The following ACAP2 variants were observed in gnomAD, a reference collection of about 807,000 sequenced individuals.
The protein encoded by ACAP2 is ArfGAP with coiled-coil, ankyrin repeat and PH domains 2, also known as arf-GAP with coiled-coil, ANK repeat and PH domain-containing protein 2.
In ACAP2, 39 loss-of-function variants were observed where a neutral mutation model predicts 115.8. The observed-to-expected ratio is 0.34, with a 90% CI of 0.26 to 0.44. The LOEUF is 0.44. Ranked by LOEUF, ACAP2 falls within the 20% of genes least tolerant of loss-of-function variation. The probability of loss-of-function intolerance (pLI) is 1.00; values close to 1 mark genes in which losing one functional copy is unlikely to be tolerated. For missense variants in ACAP2, 662 were observed against 927.6 expected, an observed-to-expected ratio of 0.71 and a Z score of 3.72; for synonymous variants, 289 against 315.8, an observed-to-expected ratio of 0.92 and a Z score of 0.90.
intron 4 of ACAP2, among the ~76,000 whole-genome samples, chr3:195,355,116 G>A (rs1034773987): frequency 6.6e-6 from 1 of 152,058 alleles, no homozygotes; most frequent in African/African-American, 2.4e-5. Context: ...AAAGTGCTGG[G>A]ATTACAGGTG....
At chr3:195,368,570 A>T (rs1473729643) in intron 4 of ACAP2, among the ~76,000 whole-genome samples, 1 of 152,034 alleles carries the variant, frequency 6.6e-6, no homozygotes, top group Non-Finnish European at 1.5e-5. Context: ...ATTTCATGTT[A>T]TTTTTCATAT....
chr3:195,295,685 C>G (rs201861961), intron 17 of ACAP2, 23 bp downstream of exon 17: 36 of 1,613,384 alleles, frequency 2.2e-5, no homozygotes, highest in Non-Finnish European at 3.1e-5. Context: ...TAGCTATAGA[C>G]ACAGTAAGAA....
chr3:195,391,867 C>G (rs1300132544), intron 2 of ACAP2, among the ~76,000 whole-genome samples: 1 of 151,858 alleles, frequency 6.6e-6, no homozygotes, highest in African/African-American at 2.4e-5. Context: ...TGGTGGTGCA[C>G]GCCTGTAATC....
intron 5 of ACAP2, among the ~76,000 whole-genome samples, chr3:195,343,836 T>G (rs1394156199): frequency 6.6e-6 from 1 of 152,216 alleles, no homozygotes; most frequent in African/African-American, 2.4e-5. Flanking sequence ...AAAGTATATG[T>G]AAGAAAGACA....
chr3:195,383,612 G>C (rs1266944309), intron 2 of ACAP2, among the ~76,000 whole-genome samples: 1 of 150,244 alleles, frequency 6.7e-6, no homozygotes, highest in Non-Finnish European at 1.5e-5. Flanking sequence ...AGTCTGAGAA[G>C]GATGCAAAGC....
chr3:195,419,798 T>C (rs1429930006), intron 1 of ACAP2, among the ~76,000 whole-genome samples: 2 of 152,198 alleles, frequency 1.3e-5, no homozygotes, highest in Non-Finnish European at 2.9e-5. Context: ...CCTTTTCCCC[T>C]TGATTTTAAA....
intron 4 of ACAP2, among the ~76,000 whole-genome samples, chr3:195,374,181 T>A (rs1733359532): frequency 6.6e-6 from 1 of 152,000 alleles, no homozygotes; most frequent in African/African-American, 2.4e-5. Flanking sequence ...AGGTCCGGAG[T>A]TCGAGACCAG....
chr3:195,336,875 A>G lies in ACAP2; in HGVS notation c.573+57T>C, dbSNP rs1405073583. On this transcript the variant is annotated intron_variant, in intron 7 of 22. Coordinates refer to ENST00000326793, the MANE Select transcript of ACAP2 (RefSeq NM_012287.6). ...GCAGATGCTCTTTCAACACCTAAAT[A>G]CGTACATTTAGTTTCATATTAAAAT... 3.0e-6 allele frequency: 4 copies of G among 1,350,464 alleles called. No homozygotes were observed. In the African/African-American group the frequency reaches 5.8e-5, roughly 20 times the overall value. The allele number at this position is 1,350,464 out of a possible 1,614,324, so 83.7% of individuals were successfully genotyped here. A position where few individuals can be genotyped will look rare whatever the true frequency, so the allele number is the denominator to read the frequency against.
intron 4 of ACAP2, among the ~76,000 whole-genome samples, chr3:195,375,872 G>A (rs1450177486): frequency 7.2e-5 from 11 of 152,130 alleles, no homozygotes; most frequent in South Asian, 4.1e-4. Context: ...GCAAATCAAC[G>A]TTAAAGCTGC....
At chr3:195,340,099 C>G (rs1415579645) in intron 6 of ACAP2, among the ~76,000 whole-genome samples, 1 of 151,002 alleles carries the variant, frequency 6.6e-6, no homozygotes, top group Non-Finnish European at 1.5e-5. Flanking sequence ...AAAAGCAATG[C>G]AAGGCAGACC....
intron 6 of ACAP2, among the ~76,000 whole-genome samples, chr3:195,339,685 AAACT>A (rs567485295): frequency 6.6e-6 from 1 of 152,050 alleles, no homozygotes; most frequent in South Asian, 2.1e-4. Context: ...AAAATCAAAC[AAACT>A]AATAGTTATT....
At chr3:195,395,423 G>C (rs528445687) in intron 1 of ACAP2, among the ~76,000 whole-genome samples, 1 of 152,186 alleles carries the variant, frequency 6.6e-6, no homozygotes, top group South Asian at 2.1e-4. Context: ...TACCCAACAG[G>C]CAAGTTTGAC....
chr3:195,430,935 T>C (rs1385641518), intron 1 of ACAP2, among the ~76,000 whole-genome samples: 7 of 152,200 alleles, frequency 4.6e-5, no homozygotes, highest in Non-Finnish European at 7.4e-5. Flanking sequence ...TTTAAAAATA[T>C]AGTTTAGTGG....
chr3:195,380,593 T>C (rs1733878272), intron 4 of ACAP2, among the ~76,000 whole-genome samples: 1 of 152,186 alleles, frequency 6.6e-6, no homozygotes, highest in African/African-American at 2.4e-5. Context: ...TAGCACTCTT[T>C]AATATTGGTA....
At position 195,301,993 on chromosome 3, in the gene ACAP2, A is replaced by G; in HGVS notation, c.1298T>C (p.Leu433Ser). The change falls in exon 14 of 23, where the codon TTG (leucine) becomes TCG (serine). Residue 433 changes from leucine to serine, a missense_variant. Around this residue, in one of 3 missense-constraint regions of ACAP2, gnomAD observed 401 missense variants for 604.4 expected, o/e 0.66. Transcript: ENST00000326793. ...RWASINLGIT[L>S]CIECSGIHRS... is the part of the protein sequence containing the mutation. ...GTGAATTCCGGAGCACTCGATACAC[A>G]AGGTGATGCCCAGGTTGATGCTGGC... The G allele has an allele frequency of 6.2e-7, 1 of 1,613,676 alleles. No homozygotes were observed. The highest frequency in any genetic ancestry group is 1.1e-5 in the South Asian group (1 of 91,058).
At chr3:195,427,430 G>A (rs924310994) in intron 1 of ACAP2, among the ~76,000 whole-genome samples, 1 of 151,964 alleles carries the variant, frequency 6.6e-6, no homozygotes, top group Non-Finnish European at 1.5e-5. Flanking sequence ...CCTTCTCGGA[G>A]GTGCACTGTT....
intron 4 of ACAP2, among the ~76,000 whole-genome samples, chr3:195,358,258 A>G (rs1399973201): frequency 6.6e-6 from 1 of 152,218 alleles, no homozygotes; most frequent in Non-Finnish European, 1.5e-5. Flanking sequence ...CTTCTCAAGA[A>G]GGATGAGTAC....
In ACAP2 at chr3:195,431,604, A is replaced by ATTT. The variant is rs113830959; in HGVS notation, c.53+11188_53+11190dup. Among the ~76,000 whole-genome samples, 5 of 138,458 alleles carry ATTT rather than the reference A, an allele frequency of 3.6e-5. No homozygotes were observed. The South Asian group carries it at 9.4e-4, about 26-fold the overall frequency. The allele number at this position is 138,458 out of a possible 152,430, so 90.8% of individuals were successfully genotyped here. A position where few individuals can be genotyped will look rare whatever the true frequency, so the allele number is the denominator to read the frequency against. ...AGGTACATGCGACCATGCCCGACTA[A>ATTT]TTTTTTTTTTTTTTTTGTATTTTTA... On this transcript the variant is annotated intron_variant, in intron 1 of 22. Transcript: ENST00000326793.
chr3:195,278,119 A>G lies in ACAP2; in HGVS notation c.*1209T>C, dbSNP rs1372029545. The G allele has an allele frequency of 3.3e-5, 5 of 151,836 alleles. No individual in the cohort carries two copies. Among genetic ancestry groups the G allele is most frequent in the Non-Finnish European group, 7.4e-5 (5 of 67,966 alleles). 9.4% of individuals were successfully genotyped at this position (151,836 alleles called of 1,614,324 possible). ...AAAAAAAGCAAATTAATTATTTTATACTTTAAGACATTTTCAAAGATGGAA... is the reference window on the plus strand; with the variant it reads ...AAAAAAAGCAAATTAATTATTTTATGCTTTAAGACATTTTCAAAGATGGAA... On this transcript the variant is annotated 3_prime_UTR_variant, in exon 23 of 23. Transcript: ENST00000326793.
Sources: allele counts gnomAD v4.1 joint callset (sites outside exome capture counted in the v4.1 genomes callset), GRCh38; gene constraint gnomAD v4.1.1; regional missense constraint gnomAD v4.1.1; transcripts MANE v1.5; gene names NCBI Gene and HGNC (gene_info 2026-07-23, HGNC 2026-07-21).